Variants in H2BC5 observed in about 807,000 individuals in gnomAD.
H2BC5 encodes the protein histone H2B type 1-D.
H2BC5 carries 9 observed loss-of-function variants against 5.7 expected under a neutral mutation model. The ratio of observed to expected loss-of-function variants is 1.57; its 90% CI spans 0.95 to 2.74. H2BC5 has a LOEUF of 2.74. H2BC5 is among the 30% of genes most tolerant of loss of function. The pLI, the probability that H2BC5 is intolerant of heterozygous loss-of-function variation, is 0.00. For synonymous variants in H2BC5, 133 were observed against 70.9 expected, an observed-to-expected ratio of 1.88 and a Z score of -4.40; for missense variants, 175 against 168.8, an observed-to-expected ratio of 1.04 and a Z score of -0.20.
chr6:26,159,625 ATG>A (rs1423261867), downstream of H2BC5, among the ~76,000 whole-genome samples: 4 of 152,162 alleles, frequency 2.6e-5, no homozygotes. Flanking sequence ...GACGTGAAAA[ATG>A]TGAGATGGAT....
At chr6:26,167,049 CTTTTTTTTTTTT>C (rs149341201) in intron 1 of H2BC5, among the ~76,000 whole-genome samples, 2 of 97,026 alleles carry the variant, frequency 2.1e-5, no homozygotes, top group East Asian at 6.7e-4. Flanking sequence ...TTTGTTTTCT[CTTTTTTTTTTTT>C]TTTTTTTTTT....
At chr6:26,163,120 T>C (rs1764374230), downstream of H2BC5, among the ~76,000 whole-genome samples, 1 of 151,766 alleles carries the variant, frequency 6.6e-6, no homozygotes, top group Non-Finnish European at 1.5e-5. Context: ...TTCTATGATT[T>C]TTTTTTTCTT....
chr6:26,170,533 ATAG>A (rs993275211), intron 1 of H2BC5, among the ~76,000 whole-genome samples: 1 of 152,236 alleles, frequency 6.6e-6, no homozygotes, highest in East Asian at 1.9e-4. Context: ...GAGGATAATA[ATAG>A]TAGATTACTT....
intron 1 of H2BC5, among the ~76,000 whole-genome samples, chr6:26,169,368 C>A (rs140711507): frequency 1.3e-5 from 2 of 152,116 alleles, no homozygotes; most frequent in Admixed American, 6.5e-5. Context: ...TTTTCATTTA[C>A]CTTTGTCTTT....
chr6:26,159,085 T>C (rs564134023), downstream of H2BC5, among the ~76,000 whole-genome samples: 125 of 152,258 alleles, frequency 8.2e-4, no homozygotes, highest in African/African-American at 2.9e-3. Context: ...TTCTGATTTG[T>C]TTTGTAATTG....
At chr6:26,159,254 T>A (rs565919657), downstream of H2BC5, among the ~76,000 whole-genome samples, 1 of 139,496 alleles carries the variant, frequency 7.2e-6, no homozygotes, top group East Asian at 2.1e-4. Flanking sequence ...TTTTTTTTTT[T>A]TTTTTTTTTT....
downstream of H2BC5, among the ~76,000 whole-genome samples, chr6:26,161,863 CAG>C (rs1764356672): frequency 6.6e-6 from 1 of 152,090 alleles, no homozygotes; most frequent in Admixed American, 6.5e-5. Flanking sequence ...AAGAAACAAT[CAG>C]GGAGAATGAT....
intron 1 of H2BC5, among the ~76,000 whole-genome samples, chr6:26,170,416 C>T (rs1208515455): frequency 6.6e-6 from 1 of 152,110 alleles, no homozygotes; most frequent in Non-Finnish European, 1.5e-5. Context: ...TTAAAGTGCA[C>T]AAATATCTAT....
chr6:26,158,511 G>A lies in H2BC5; in HGVS notation c.342G>A (p.Glu114=). The A allele has an allele frequency of 6.2e-7, 1 of 1,614,262 alleles. No individual in the cohort carries two copies. Among genetic ancestry groups the A allele is most frequent in the East Asian group, 2.2e-5 (1 of 44,878 alleles). Residue 114 remains glutamate, a synonymous_variant, in exon 1 of 1, where the codon GAG becomes GAA. Coordinates refer to ENST00000377777, the MANE Select transcript of H2BC5 (RefSeq NM_021063.4). ...PGELAKHAVS[E]GTKAVTKYTS... ...AGCTGGCCAAGCACGCCGTGTCGGAGGGCACCAAGGCCGTCACCAAGTACA... is the reference window on the plus strand; with the variant it reads ...AGCTGGCCAAGCACGCCGTGTCGGAAGGCACCAAGGCCGTCACCAAGTACA...
rs113707312 is a variant in H2BC5 at position 26,164,596 on chromosome 6, T to TTATA, written c.*9+6052_*9+6055dup. The stretch of plus-strand genomic sequence containing the variant: ...CTGAGAGGGGAGAGCAAGGGAGATT[T>TTATA]TATATATATATATATATAATTTTAA... On this transcript the variant is annotated intron_variant, in intron 1 of 1. Transcript: ENST00000289316. 8.0e-3 allele frequency among the ~76,000 whole-genome samples: 1,184 copies of TTATA among 147,758 alleles called. 10 individuals carry two copies. The highest frequency in any genetic ancestry group is 0.023 in the African/African-American group (917 of 40,466).
intron 1 of H2BC5, among the ~76,000 whole-genome samples, chr6:26,168,860 CATTT>C (rs752714443): frequency 9.2e-5 from 14 of 152,146 alleles, no homozygotes; most frequent in Non-Finnish European, 1.6e-4. Context: ...TGTATTAATT[CATTT>C]GAGAAATCTT....
chr6:26,170,486 C>T lies in H2BC5; in HGVS notation c.*10-489C>T, dbSNP rs75417885. ...CAGTGGTTCAACTGAATGAGTGACT[C>T]GGATTTTCTGGGTTTCACTTTCCTC... On this transcript the variant is annotated intron_variant, in intron 1 of 1. Coordinates refer to the H2BC5 transcript ENST00000289316. Among the ~76,000 whole-genome samples, 41 of 152,226 alleles carry T rather than the reference C, an allele frequency of 2.7e-4. No individual in the cohort carries two copies. The East Asian group carries it at 6.6e-3, about 24-fold the overall frequency.
At chr6:26,159,192 T>A (rs969617956), downstream of H2BC5, among the ~76,000 whole-genome samples, 1 of 149,376 alleles carries the variant, frequency 6.7e-6, no homozygotes, top group African/African-American at 2.5e-5. Context: ...CTGAGACACC[T>A]TAAAATTCTT....
At position 26,158,282 on chromosome 6, in the gene H2BC5, A is replaced by C; in HGVS notation, c.113A>C (p.Tyr38Ser). The part of the protein sequence containing the change: ...KKRKRSRKES[Y>S]SVYVYKVLKQ... The stretch of plus-strand genomic sequence containing the variant: ...CGCAAGCGCAGCCGCAAGGAGAGCT[A>C]TTCAGTGTATGTGTACAAGGTGCTG... Residue 38 changes from tyrosine to serine, a missense_variant, in exon 1 of 1, where the codon TAT (tyrosine) becomes TCT (serine). This residue lies in a region of H2BC5 where 119 missense variants were observed against 85.6 expected (regional missense o/e 1.39). Coordinates refer to ENST00000377777, the MANE Select transcript of H2BC5 (RefSeq NM_021063.4). 2 of 1,614,260 alleles carry C rather than the reference A, an allele frequency of 1.2e-6. No individual in the cohort carries two copies. Among genetic ancestry groups the C allele is most frequent in the East Asian group, 2.2e-5 (1 of 44,884 alleles).
At chr6:26,160,966 G>A (rs1764343177), downstream of H2BC5, 1 of 152,140 alleles carries the variant, frequency 6.6e-6, no homozygotes, top group East Asian at 1.9e-4. Flanking sequence ...CCAGCACTTT[G>A]GGAGGCTGAG....
intron 1 of H2BC5, among the ~76,000 whole-genome samples, chr6:26,166,174 G>A (rs535745002): frequency 1.3e-5 from 2 of 152,254 alleles, no homozygotes; most frequent in Non-Finnish European, 2.9e-5. Flanking sequence ...GGAAGTAGGA[G>A]ACAGTACCAC....
Position 26,158,417 on chromosome 6 carries a change from A to AT in H2BC5, c.250dup (p.Tyr84LeufsTer54), listed in dbSNP as rs758771134. ...GCAGGCGAGGCTTCCCGCCTGGCGCATTACAACAAGCGCTCGACCATCACC... is the reference window on the plus strand; with the variant it reads ...GCAGGCGAGGCTTCCCGCCTGGCGCATTTACAACAAGCGCTCGACCATCACC... On this transcript the variant is annotated frameshift_variant, in exon 1 of 1. Coordinates refer to ENST00000377777, the MANE Select transcript of H2BC5 (RefSeq NM_021063.4). LOFTEE classifies it high-confidence loss of function. The AT allele has an allele frequency of 6.2e-7, 1 of 1,614,282 alleles. No homozygotes were observed. Among genetic ancestry groups the AT allele is most frequent in the Non-Finnish European group, 8.5e-7 (1 of 1,180,050 alleles).
At position 26,167,723 on chromosome 6, in the gene H2BC5, C is replaced by A. The variant is rs9379828; in HGVS notation, c.*10-3252C>A. On this transcript the variant is annotated intron_variant, in intron 1 of 1. Transcript: ENST00000289316. ...GGGTCCTTGGATTTTCCCCAGCCCC[C>A]ACCCTCTCCCACTTCAGGCACGTTG... Among the ~76,000 whole-genome samples the A allele has an allele frequency of 3.3e-4, 50 of 151,864 alleles. No individual in the cohort carries two copies. The East Asian group carries it at 8.8e-3, about 27-fold the overall frequency.
At chr6:26,160,460 G>A (rs139501961), downstream of H2BC5, among the ~76,000 whole-genome samples, 2 of 150,616 alleles carry the variant, frequency 1.3e-5, no homozygotes, top group East Asian at 1.9e-4. Context: ...CCAGCACTTC[G>A]GGAGGCTGAG....
Sources: allele counts gnomAD v4.1 joint callset (sites outside exome capture counted in the v4.1 genomes callset), GRCh38; gene constraint gnomAD v4.1.1; regional missense constraint gnomAD v4.1.1; transcripts MANE v1.5; gene names NCBI Gene and HGNC (gene_info 2026-07-23, HGNC 2026-07-21).